Variants in SIDT1 observed in about 807,000 individuals in gnomAD.
SIDT1 encodes SID1 transmembrane family member 1.
Under a neutral mutation model 107.5 loss-of-function variants are expected in SIDT1, and 101 were observed. The ratio of observed to expected loss-of-function variants is 0.94; its 90% CI spans 0.80 to 1.11. The LOEUF is 1.11. Ranked by LOEUF, SIDT1 falls within the 50% of genes least tolerant of loss-of-function variation. SIDT1 has a pLI of 0.00. For missense variants in SIDT1, 1,076 were observed against 1,058.2 expected (o/e 1.02, Z -0.23); for synonymous variants, 395 against 398.2 (o/e 0.99, Z 0.10).
intron 4 of SIDT1, among the ~76,000 whole-genome samples, chr3:113,578,934 C>A (rs1943124427): frequency 6.6e-6 from 1 of 152,136 alleles, no homozygotes; most frequent in Non-Finnish European, 1.5e-5. Flanking sequence ...TAAAACAAAA[C>A]AAGTTCCTTG....
intron 10 of SIDT1, among the ~76,000 whole-genome samples, chr3:113,597,042 A>G (rs1167768252): frequency 6.6e-6 from 1 of 152,182 alleles, no homozygotes; most frequent in Admixed American, 6.5e-5. Flanking sequence ...TTTTAGTCCT[A>G]GATCTCTACT....
intron 1 of SIDT1, among the ~76,000 whole-genome samples, chr3:113,564,077 T>A (rs1941688842): frequency 1.3e-5 from 2 of 152,094 alleles, no homozygotes; most frequent in Admixed American, 1.3e-4. Context: ...GCCTCCCGAG[T>A]AGCTGTGATT....
intron 9 of SIDT1, chr3:113,589,864 A>C (rs547566640): frequency 6.5e-6 from 1 of 152,950 alleles, no homozygotes; most frequent in African/African-American, 2.4e-5. Flanking sequence ...TGCGTCATTC[A>C]TTCAATAAAA....
intron 1 of SIDT1, among the ~76,000 whole-genome samples, chr3:113,546,735 T>C (rs1238113194): frequency 1.3e-5 from 2 of 152,256 alleles, no homozygotes; most frequent in African/African-American, 4.8e-5. Flanking sequence ...GTCTTGAAGA[T>C]ACTTGTGTTA....
chr3:113,556,355 G>T (rs1225511920), intron 1 of SIDT1, among the ~76,000 whole-genome samples: 1 of 152,172 alleles, frequency 6.6e-6, no homozygotes, highest in East Asian at 1.9e-4. Context: ...GTTATGAAAA[G>T]CTTGGGATGA....
At chr3:113,555,314 T>C (rs1940723443) in intron 1 of SIDT1, among the ~76,000 whole-genome samples, 1 of 152,228 alleles carries the variant, frequency 6.6e-6, no homozygotes, top group Non-Finnish European at 1.5e-5. Flanking sequence ...ATATAATGGC[T>C]TGCTCATTGG....
intron 9 of SIDT1, among the ~76,000 whole-genome samples, chr3:113,586,329 T>A (rs1943743184): frequency 6.6e-6 from 1 of 152,208 alleles, no homozygotes; most frequent in Non-Finnish European, 1.5e-5. Context: ...CCTAAACACC[T>A]GTGGATACAC....
chr3:113,611,489 G>A (rs994280335), intron 18 of SIDT1, among the ~76,000 whole-genome samples: 1 of 152,064 alleles, frequency 6.6e-6, no homozygotes, highest in Non-Finnish European at 1.5e-5. Context: ...CCACCACCAC[G>A]CCTGGCTAAT....
intron 21 of SIDT1, among the ~76,000 whole-genome samples, chr3:113,621,456 A>C (rs1434488232): frequency 6.6e-6 from 1 of 152,150 alleles, no homozygotes; most frequent in South Asian, 2.1e-4. Flanking sequence ...AAGAAAAAAA[A>C]AAAGAACGAA....
rs747082833 is a variant in SIDT1 at position 113,533,043 on chromosome 3, G to C, written c.22G>C (p.Ala8Pro). 4 of 1,409,010 alleles carry C rather than the reference G, an allele frequency of 2.8e-6. No homozygotes were observed. The highest frequency in any genetic ancestry group is 2.0e-4 in the Middle Eastern group (1 of 4,992). The allele number at this position is 1,409,010 out of a possible 1,614,324, so 87.3% of individuals were successfully genotyped here. A position where few individuals can be genotyped will look rare whatever the true frequency, so the allele number is the denominator to read the frequency against. The change falls in exon 1 of 25, where the codon GCG becomes CCG. Residue 8 changes from alanine (A) to proline (P), a missense_variant. By Grantham distance (27) the Ala-to-Pro change is conservative. Transcript: ENST00000264852. ...CACCATGCGCGGCTGCCTGCGGCTC[G>C]CGCTGCTCTGCGCGCTGCCCTGGCT... The part of the protein sequence containing the change: MRGCLRL[A>P]LLCALPWLLL...
the SIDT1 span, among the ~76,000 whole-genome samples, chr3:113,636,656 A>G: frequency 6.6e-6 from 1 of 152,202 alleles, no homozygotes; most frequent in Admixed American, 6.5e-5. Flanking sequence ...GCTGGATGTT[A>G]GTATCTTCCC....
Position 113,615,943 on chromosome 3 carries a change from G to T in SIDT1, c.1967-157G>T. 13 of 663,526 alleles carry T rather than the reference G, an allele frequency of 2.0e-5. No homozygotes were observed. The South Asian group carries it at 2.2e-4, about 11-fold the overall frequency. 41.1% of individuals were successfully genotyped at this position (663,526 alleles called of 1,614,324 possible). Reference sequence around the variant, plus strand: ...CTCTATGACGATACCATTTTTCAAAGCAAATACTTATTGCGCACCTATTAG... The same window carrying T: ...CTCTATGACGATACCATTTTTCAAATCAAATACTTATTGCGCACCTATTAG... On this transcript the variant is annotated intron_variant, in intron 19 of 24. Transcript: ENST00000264852.
intron 3 of SIDT1, among the ~76,000 whole-genome samples, chr3:113,574,556 C>G (rs3821683): frequency 0.26 from 39,248 of 151,812 alleles, 5,548 homozygotes; most frequent in East Asian, 0.59. Context: ...GCCTCTCTTT[C>G]TATGTAGTCT....
At chr3:113,553,475 C>T (rs1940500383) in intron 1 of SIDT1, among the ~76,000 whole-genome samples, 1 of 152,160 alleles carries the variant, frequency 6.6e-6, no homozygotes, top group Admixed American at 6.5e-5. Context: ...AGATACTTGC[C>T]TGCAATGTAT....
intron 4 of SIDT1, among the ~76,000 whole-genome samples, chr3:113,578,856 GA>G (rs200619941): frequency 2.0e-5 from 3 of 150,864 alleles, no homozygotes; most frequent in Non-Finnish European, 3.0e-5. Context: ...CCCTATCTCT[GA>G]AAAAAAAATT....
At position 113,581,442 on chromosome 3, in the gene SIDT1, C is replaced by T; in HGVS notation, c.745C>T (p.Gln249Ter). ...GACCAAGAAAGCTGCCATCACGCTA[C>T]AGGTGAGGCATTGCTTCTGTGGGCA... ...SMTKKAAITL[Q>*]KKDFPGEQFF... The change falls in exon 6 of 25, where the codon CAG becomes TAG. Residue 249 changes from glutamine to a stop codon, truncating the protein, a stop_gained and splice_region_variant. Coordinates refer to ENST00000264852, the MANE Select transcript of SIDT1 (RefSeq NM_017699.3). LOFTEE classifies it high-confidence loss of function. 1.2e-6 allele frequency: 2 copies of T among 1,610,986 alleles called. No individual in the cohort carries two copies. The highest frequency in any genetic ancestry group is 1.7e-6 in the Non-Finnish European group (2 of 1,177,130).
intron 3 of SIDT1, among the ~76,000 whole-genome samples, chr3:113,571,069 T>G (rs1162669163): frequency 6.6e-6 from 1 of 152,192 alleles, no homozygotes; most frequent in Non-Finnish European, 1.5e-5. Flanking sequence ...AAAACTGTCC[T>G]CCCAATTGTT....
chr3:113,600,274 C>A (rs776491802), intron 10 of SIDT1, among the ~76,000 whole-genome samples: 2 of 152,052 alleles, frequency 1.3e-5, no homozygotes, highest in African/African-American at 4.8e-5. Flanking sequence ...CGTACTACTG[C>A]ACTCCAGCCT....
intron 1 of SIDT1, 92 bp from the exon 2 acceptor site, chr3:113,566,318 GTGTGTGTGTT>G (rs755263523): frequency 6.6e-4 from 771 of 1,174,162 alleles, no homozygotes; most frequent in Middle Eastern, 8.5e-4. Flanking sequence ...GGCAACTATG[GTGTGTGTGTT>G]TGTGTGTGTT....
Sources: gnomAD v4.1 joint callset for allele counts (sites outside exome capture counted in the v4.1 genomes callset) on GRCh38, gnomAD v4.1.1 for gene constraint, MANE v1.5 for transcripts, NCBI Gene and HGNC (gene_info 2026-07-23, HGNC 2026-07-21) for gene names.